ZC3H3: variants seen among roughly 807,000 people sequenced by gnomAD.
ZC3H3 encodes zinc finger CCCH domain-containing protein 3.
In ZC3H3, 36 loss-of-function variants were observed where a neutral mutation model predicts 77.3. That is an observed-to-expected ratio of 0.47 (90% CI 0.36 to 0.61). The LOEUF is 0.61. Among genes scored for constraint, ZC3H3 ranks in the 20% least tolerant of loss-of-function variants. The pLI, the probability that ZC3H3 is intolerant of heterozygous loss-of-function variation, is 0.00. For synonymous variants in ZC3H3, 626 were observed against 555.2 expected (o/e 1.13, Z -1.79); for missense variants, 1,331 against 1,312.2 (o/e 1.01, Z -0.22).
At chr8:143,518,083 G>C (rs1273998560) in intron 3 of ZC3H3, among the ~76,000 whole-genome samples, 1 of 152,204 alleles carries the variant, frequency 6.6e-6, no homozygotes, top group Admixed American at 6.5e-5. Flanking sequence ...CCTTCTGCAT[G>C]AGCGCCATGG....
Position 143,531,701 on chromosome 8 carries a change from C to T in ZC3H3, c.1561+4556G>A, listed in dbSNP as rs191030654. Among the ~76,000 whole-genome samples the T allele has an allele frequency of 8.1e-4, 123 of 152,288 alleles. 1 individual carries two copies. In the East Asian group the frequency reaches 0.017, roughly 21 times the overall value. Reference sequence around the variant, plus strand: ...AATATGCGCCAAAATAAAAAATGAACGCACCTTGTCCCAAGAAAATTGATT... The same window carrying T: ...AATATGCGCCAAAATAAAAAATGAATGCACCTTGTCCCAAGAAAATTGATT... On this transcript the variant is annotated intron_variant, in intron 3 of 11. Coordinates refer to ENST00000262577, the MANE Select transcript of ZC3H3 (RefSeq NM_015117.3).
In ZC3H3 at chr8:143,538,930, A is replaced by G. The variant is rs1563891430; in HGVS notation, c.437T>C (p.Leu146Ser). The change falls in exon 2 of 12, where the codon TTG (leucine) becomes TCG (serine). Residue 146 changes from leucine (L) to serine (S), a missense_variant. Physicochemically the swap from Leu to Ser is moderately radical, Grantham distance 145. Transcript: ENST00000262577. ...CCAGGGGGTTTCCTCAAATTCTTCC[A>G]AAGAGCCCCGCTGGGCCCCTGAGGC... Reference protein sequence around the residue: ...ASASGAQRGSLEEFEETPWSD... With the variant: ...ASASGAQRGSSEEFEETPWSD... 2.5e-6 allele frequency: 4 copies of G among 1,612,942 alleles called. No homozygotes were observed. Among genetic ancestry groups the G allele is most frequent in the Non-Finnish European group, 3.4e-6 (4 of 1,180,006 alleles).
Position 143,462,554 on chromosome 8 carries a change from G to C in ZC3H3, c.2307+3163C>G, listed in dbSNP as rs1820293575. On this transcript the variant is annotated intron_variant, in intron 9 of 11. Coordinates refer to ENST00000262577, the MANE Select transcript of ZC3H3 (RefSeq NM_015117.3). This position sits in a 1 kb window ranked among gnomAD's most constrained non-coding sequence, Gnocchi z 4.7. Reference sequence around the variant, plus strand: ...CTTGCAAGCCTGGAGGATGAAGGCAGGGTGTGCGTGAGGGGAATCCCAGGT... The same window carrying C: ...CTTGCAAGCCTGGAGGATGAAGGCACGGTGTGCGTGAGGGGAATCCCAGGT... Among the ~76,000 whole-genome samples, 1 of 152,228 alleles carries C rather than the reference G, an allele frequency of 6.6e-6. No individual in the cohort carries two copies. Among genetic ancestry groups the C allele is most frequent in the Admixed American group, 6.5e-5 (1 of 15,288 alleles).
chr8:143,500,961 T>G (rs1312244269), intron 4 of ZC3H3, among the ~76,000 whole-genome samples: 1 of 148,630 alleles, frequency 6.7e-6, no homozygotes, highest in Non-Finnish European at 1.5e-5. Context: ...TACAAGTGCC[T>G]GCTACCATGC....
intron 4 of ZC3H3, among the ~76,000 whole-genome samples, chr8:143,492,191 C>T (rs1447470641): frequency 1.3e-5 from 2 of 152,190 alleles, no homozygotes; most frequent in African/African-American, 2.4e-5. Flanking sequence ...AGGCCCAGGT[C>T]GGGCGGCAAA....
intron 1 of ZC3H3, 134 bp downstream of exon 1, chr8:143,541,242 C>A (rs988467145): frequency 1.3e-6 from 2 of 1,496,270 alleles, no homozygotes; most frequent in African/African-American, 2.8e-5. Context: ...CCTGGCGGAC[C>A]CTACCGTCCC....
intron 3 of ZC3H3, among the ~76,000 whole-genome samples, chr8:143,512,381 T>C (rs1238482084): frequency 1.3e-5 from 2 of 152,242 alleles, no homozygotes; most frequent in African/African-American, 4.8e-5. Flanking sequence ...TAACGGCAGC[T>C]TGCACGCCTG....
intron 3 of ZC3H3, among the ~76,000 whole-genome samples, chr8:143,509,442 C>T (rs1183416869): frequency 6.6e-6 from 1 of 152,204 alleles, no homozygotes. Context: ...TGGGGGCCAG[C>T]CTTGGCACCT....
intron 4 of ZC3H3, among the ~76,000 whole-genome samples, chr8:143,489,541 G>A (rs1428553256): frequency 1.3e-5 from 2 of 152,156 alleles, no homozygotes; most frequent in Non-Finnish European, 1.5e-5. Context: ...AGCAGCCTCC[G>A]CAGGCAAGGG....
At chr8:143,499,777 C>T (rs762941957) in intron 4 of ZC3H3, among the ~76,000 whole-genome samples, 2 of 152,134 alleles carry the variant, frequency 1.3e-5, no homozygotes, top group African/African-American at 2.4e-5. Flanking sequence ...CGGGCAGACA[C>T]AGGGCTTCAG....
chr8:143,495,015 C>T (rs1457011542), intron 4 of ZC3H3, among the ~76,000 whole-genome samples: 5 of 152,150 alleles, frequency 3.3e-5, no homozygotes, highest in South Asian at 2.1e-4. Context: ...GAAAGGGTCG[C>T]GGCACGCTGG....
At chr8:143,484,711 C>T (rs1397801768) in intron 4 of ZC3H3, 1 of 315,066 alleles carries the variant, frequency 3.2e-6, no homozygotes, top group Non-Finnish European at 6.3e-6. Context: ...GGGTCATCGG[C>T]CCAGGACCCA....
At chr8:143,463,749 G>A (rs1340716265) in intron 9 of ZC3H3, among the ~76,000 whole-genome samples, 1 of 152,188 alleles carries the variant, frequency 6.6e-6, no homozygotes, top group African/African-American at 2.4e-5. Flanking sequence ...TGCGTCTCCG[G>A]GTCTGGGCAG....
In ZC3H3 at chr8:143,485,204, C is replaced by T. The variant is rs867138565; in HGVS notation, c.1716-9619G>A. On this transcript the variant is annotated intron_variant, in intron 4 of 11. Transcript: ENST00000262577. ...GTGCTGAGAACAGGAGGGAGGCAGG[C>T]GGGGCCAGGGATCTGAAGTGTTTGT... 2.6e-5 allele frequency among the ~76,000 whole-genome samples: 4 copies of T among 152,234 alleles called. No homozygotes were observed. In the South Asian group the frequency reaches 8.3e-4, roughly 32 times the overall value.
rs532210576 is a variant in ZC3H3, at chr8:143,538,821, G to A, written c.546C>T (p.Thr182=). ...QPSRPTRARG[T]CSVEDPLLVC... ...CCAGAAGAGGATCTTCCACACTGCA[G>A]GTCCCCCTGGCTCTTGTTGGCCTCG... The change falls in exon 2 of 12, where the codon ACC becomes ACT. Residue 182 remains threonine (T), a synonymous_variant. Coordinates refer to ENST00000262577, the MANE Select transcript of ZC3H3 (RefSeq NM_015117.3). The A allele has an allele frequency of 3.7e-6, 6 of 1,612,350 alleles. No individual in the cohort carries two copies. The African/African-American group carries it at 5.3e-5, about 14-fold the overall frequency.
At chr8:143,523,259 C>T (rs1822307231) in intron 3 of ZC3H3, 1 of 961,686 alleles carries the variant, frequency 1.0e-6, no homozygotes, top group Non-Finnish European at 1.2e-6. Flanking sequence ...ACCCTCCAGG[C>T]TTGCTCCACG....
intron 9 of ZC3H3, among the ~76,000 whole-genome samples, chr8:143,447,251 C>T (rs942290301): frequency 6.6e-5 from 10 of 152,362 alleles, no homozygotes; most frequent in Admixed American, 1.3e-4. Flanking sequence ...ATGGCTGTGA[C>T]GCACCCTTTG....
At position 143,494,428 on chromosome 8, in the gene ZC3H3, GGGCTCC is replaced by G. The variant is rs1436249266; in HGVS notation, c.1715+13312_1715+13317del. Among the ~76,000 whole-genome samples the G allele has an allele frequency of 1.3e-5, 2 of 152,150 alleles. No homozygotes were observed. The highest frequency in any genetic ancestry group is 2.9e-5 in the Non-Finnish European group (2 of 68,014). ...CAAATGCCTGCCAGCGTGGAGGATG[GGGCTCC>G]GGCAGATGACCCCCGAGGGGTGAGC... On this transcript the variant is annotated intron_variant, in intron 4 of 11. Transcript: ENST00000262577. This position sits in a 1 kb window ranked among gnomAD's most constrained non-coding sequence, Gnocchi z 5.3.
At chr8:143,523,085 A>G (rs780966490) in intron 3 of ZC3H3, among the ~76,000 whole-genome samples, 1 of 152,200 alleles carries the variant, frequency 6.6e-6, no homozygotes, top group African/African-American at 2.4e-5. Flanking sequence ...AATCTGCCAC[A>G]AGCCCTGCCC....
Sources: allele counts gnomAD v4.1 joint callset (sites outside exome capture counted in the v4.1 genomes callset), GRCh38; gene constraint gnomAD v4.1.1; non-coding constraint Gnocchi (gnomAD v3.1); transcripts MANE v1.5; gene names NCBI Gene and HGNC (gene_info 2026-07-23, HGNC 2026-07-21).